The following IGSF22 variants were observed in gnomAD, a reference collection of about 807,000 sequenced individuals.
IGSF22 encodes the protein immunoglobulin superfamily member 22.
Under a neutral mutation model 127.0 loss-of-function variants are expected in IGSF22, and 119 were observed. That is an observed-to-expected ratio of 0.94 (90% CI 0.81 to 1.09). The LOEUF is 1.09. IGSF22 is among the 50% of genes least tolerant of loss of function. The probability of loss-of-function intolerance (pLI) is 0.00; values close to 1 mark genes in which losing one functional copy is unlikely to be tolerated. For synonymous variants in IGSF22, 568 were observed against 664.7 expected, an observed-to-expected ratio of 0.85 and a Z score of 2.24; for missense variants, 1,518 against 1,716.6, an observed-to-expected ratio of 0.88 and a Z score of 2.04.
chr11:18,723,581 C>T (rs1455905013), intron 2 of IGSF22, among the ~76,000 whole-genome samples: 2 of 152,256 alleles, frequency 1.3e-5, no homozygotes, highest in Non-Finnish European at 2.9e-5. Context: ...GACTAAAACA[C>T]TCTGTTCAGC....
chr11:18,710,664 G>T lies in IGSF22; in HGVS notation c.2563C>A (p.Pro855Thr), dbSNP rs79037456. ...SNLWVPVNKD[P>T]IQGTKCTVDG... ...GTTCCAAGGACCTCACCCTGGATGG[G>T]GTCCTTGTTGACTGGCACCCACAGG... The change falls in exon 16 of 23, where the codon CCC becomes ACC. Residue 855 changes from proline (P) to threonine (T), a missense_variant. Physicochemically the swap from Pro to Thr is conservative, Grantham distance 38 (BLOSUM62 -1). Around this residue, in one of 3 missense-constraint regions of IGSF22, gnomAD observed 1,456 missense variants for 1,644.9 expected, o/e 0.89. Coordinates refer to ENST00000513874, the MANE Select transcript of IGSF22 (RefSeq NM_173588.4). 6.7e-5 allele frequency: 108 copies of T among 1,612,578 alleles called. No individual in the cohort carries two copies. The East Asian group carries it at 1.9e-3, about 29-fold the overall frequency.
chr11:18,707,247 G>A, intron 20 of IGSF22, 34 bp from the exon 21 acceptor site: 1 of 1,487,568 alleles, frequency 6.7e-7, no homozygotes, highest in South Asian at 1.4e-5. Context: ...AGCGACCTTG[G>A]GGCACCTGAA....
chr11:18,706,628 G>A (rs1848240229), intron 21 of IGSF22: 1 of 391,196 alleles, frequency 2.6e-6, no homozygotes, highest in Non-Finnish European at 4.6e-6. Flanking sequence ...AGCCCCGTTA[G>A]ACCCTCCCCT....
intron 11 of IGSF22, 27 bp downstream of exon 11, chr11:18,715,405 A>G (rs1848443750): frequency 1.3e-6 from 2 of 1,592,620 alleles, no homozygotes; most frequent in African/African-American, 1.3e-5. Flanking sequence ...GGGATTGGTC[A>G]GTGGGGATTG....
At position 18,712,206 on chromosome 11, in the gene IGSF22, G is replaced by T. The variant is rs1490757821; in HGVS notation, c.2274C>A (p.Val758=). 2.6e-6 allele frequency: 4 copies of T among 1,551,740 alleles called. No individual in the cohort carries two copies. The South Asian group carries it at 4.8e-5, about 18-fold the overall frequency. The change falls in exon 15 of 23, where the codon GTC becomes GTA. Residue 758 remains valine (V), a synonymous_variant. Coordinates refer to ENST00000513874, the MANE Select transcript of IGSF22 (RefSeq NM_173588.4). ...CCACCTTGTTGGTGGAGAAGTTGGT[G>T]ACTTTGCCGTCCACCTCGCCTATCT... ...WIKIGEVDGK[V]TNFSTNKVEE... is the part of the protein sequence containing the mutation.
chr11:18,722,167 G>C, intron 2 of IGSF22, 126 bp from the exon 3 acceptor site: 1 of 1,115,732 alleles, frequency 9.0e-7, no homozygotes, highest in Non-Finnish European at 1.3e-6. Flanking sequence ...AGTGGGAGCA[G>C]GACCAGCTAC....
At chr11:18,706,732 C>T (rs924433904) in intron 21 of IGSF22, 182 bp downstream of exon 21, 6 of 559,946 alleles carry the variant, frequency 1.1e-5, no homozygotes, top group Middle Eastern at 4.7e-4. Context: ...ACTTTAGTCT[C>T]ACCCCTAAGT....
rs868705001 is a variant in IGSF22 at position 18,705,638 on chromosome 11, A to G, written c.3910+179T>C. 6.0e-5 allele frequency: 37 copies of G among 619,314 alleles called. No individual in the cohort carries two copies. In the Middle Eastern group the frequency reaches 2.2e-3, roughly 36 times the overall value. The allele number at this position is 619,314 out of a possible 1,614,324, so 38.4% of individuals were successfully genotyped here. ...CATGTCTGCAGGGGCCAGGCATATA[A>G]CAAATGACATCGAAAGGATGGGAGA... On this transcript the variant is annotated intron_variant, in intron 22 of 22. Coordinates refer to ENST00000513874, the MANE Select transcript of IGSF22 (RefSeq NM_173588.4).
Position 18,706,920 on chromosome 11 carries a change from C to A in IGSF22, c.3574G>T (p.Asp1192Tyr). The A allele has an allele frequency of 1.3e-6, 2 of 1,506,830 alleles. No homozygotes were observed. Among genetic ancestry groups the A allele is most frequent in the South Asian group, 2.7e-5 (2 of 74,742 alleles). The allele number at this position is 1,506,830 out of a possible 1,614,324, so 93.3% of individuals were successfully genotyped here. Residue 1192 changes from aspartate to tyrosine, a missense_variant, in exon 21 of 23, where the codon GAC becomes TAC. By Grantham distance (160) the Asp-to-Tyr change is radical. Coordinates refer to ENST00000513874, the MANE Select transcript of IGSF22 (RefSeq NM_173588.4). Reference sequence around the variant, plus strand: ...CTGCAAGTCCCAGACTCACTCTGGTCCTTATTGATGAGCCAGGTGTCCCTG... The same window carrying A: ...CTGCAAGTCCCAGACTCACTCTGGTACTTATTGATGAGCCAGGTGTCCCTG... ...DSRDTWLINK[D>Y]QIQDLSAKLK...
chr11:18,716,766 G>GC lies in IGSF22; in HGVS notation c.1207dup (p.Ala403GlyfsTer13). ...CTGGGCCTTTTGTACCAGGTTCCCCGCCTCAGCAGAGAACTCGCCGCTGTC... is the reference window on the plus strand; with the variant it reads ...CTGGGCCTTTTGTACCAGGTTCCCCGCCCTCAGCAGAGAACTCGCCGCTGTC... On this transcript the variant is annotated frameshift_variant, in exon 10 of 23. Transcript: ENST00000513874. LOFTEE classifies it high-confidence loss of function. This position sits in a 1 kb window ranked among gnomAD's most constrained non-coding sequence, Gnocchi z 4.5. The GC allele has an allele frequency of 3.7e-6, 6 of 1,614,152 alleles. No individual in the cohort carries two copies. Among genetic ancestry groups the GC allele is most frequent in the Non-Finnish European group, 5.1e-6 (6 of 1,180,032 alleles).
rs201892326 is a variant in IGSF22 at position 18,720,105 on chromosome 11, T to C, written c.479-2A>G. On this transcript the variant is annotated splice_acceptor_variant, in intron 5 of 22. Coordinates refer to ENST00000513874, the MANE Select transcript of IGSF22 (RefSeq NM_173588.4). LOFTEE classifies it high-confidence loss of function. ...TTTTGAAGTCCATTTTCTCTTGACC[T>C]GAGGATAGACAGAGGGACAGGTTCA... 1 of 1,614,028 alleles carries C rather than the reference T, an allele frequency of 6.2e-7. No homozygotes were observed.
At chr11:18,723,573 C>T (rs1399410973) in intron 2 of IGSF22, among the ~76,000 whole-genome samples, 1 of 152,248 alleles carries the variant, frequency 6.6e-6, no homozygotes, top group African/African-American at 2.4e-5. Context: ...AGAGACGTGA[C>T]TAAAACACTC....
intron 2 of IGSF22, among the ~76,000 whole-genome samples, chr11:18,722,355 A>AG (rs1272542863): frequency 6.6e-6 from 1 of 151,098 alleles, no homozygotes; most frequent in Non-Finnish European, 1.5e-5. Context: ...TTGGTCTCTT[A>AG]GGCTTCTCTC....
Position 18,707,973 on chromosome 11 carries a change from G to C in IGSF22, c.3111C>G (p.Ile1037Met), listed in dbSNP as rs774630148. Residue 1037 changes from isoleucine to methionine, a missense_variant, in exon 20 of 23, where the codon ATC (isoleucine) becomes ATG (methionine). Around this residue, in one of 3 missense-constraint regions of IGSF22, gnomAD observed 1,456 missense variants for 1,644.9 expected, o/e 0.89. Coordinates refer to ENST00000513874, the MANE Select transcript of IGSF22 (RefSeq NM_173588.4). ...TGGTGGGAACGCCATCTTTCTGCCA[G>C]ATCACGTCAGGTGGTGGTGAGCCCT... ...AFSGSPPPDVIWQKDGVPTKG... is the reference protein window; with the variant it reads ...AFSGSPPPDVMWQKDGVPTKG... 6.2e-7 allele frequency: 1 copy of C among 1,614,010 alleles called. No homozygotes were observed. Among genetic ancestry groups the C allele is most frequent in the Non-Finnish European group, 8.5e-7 (1 of 1,179,990 alleles).
At chr11:18,721,510 C>A in intron 4 of IGSF22, 25 bp downstream of exon 4, 1 of 1,614,116 alleles carries the variant, frequency 6.2e-7, no homozygotes. Context: ...TTCTCGGTAA[C>A]TGGACTTGGG....
In IGSF22 at chr11:18,710,385, C is replaced by G; in HGVS notation, c.2643G>C (p.Lys881Asn). The change falls in exon 17 of 23, where the codon AAG becomes AAC. Residue 881 changes from lysine (K) to asparagine (N), a missense_variant. Lys to Asn is a moderately conservative substitution (Grantham distance 94). Around this residue, in one of 3 missense-constraint regions of IGSF22, gnomAD observed 1,456 missense variants for 1,644.9 expected, o/e 0.89. Coordinates refer to ENST00000513874, the MANE Select transcript of IGSF22 (RefSeq NM_173588.4). ...EYEFRVIAVN[K>N]AGPGQPSVPS... ...GCACACTGGGCTGTCCAGGGCCTGCCTTATTTACAGCTATAACTCGGAATT... is the reference window on the plus strand; with the variant it reads ...GCACACTGGGCTGTCCAGGGCCTGCGTTATTTACAGCTATAACTCGGAATT... 1 of 1,614,220 alleles carries G rather than the reference C, an allele frequency of 6.2e-7. No individual in the cohort carries two copies. The highest frequency in any genetic ancestry group is 8.5e-7 in the Non-Finnish European group (1 of 1,180,042).
chr11:18,725,137 A>G (rs1480837488), intron 1 of IGSF22, among the ~76,000 whole-genome samples: 1 of 151,680 alleles, frequency 6.6e-6, no homozygotes. Context: ...TCCTGTTCAG[A>G]GCACCATGTT....
At chr11:18,718,947 T>C (rs1365292801) in intron 7 of IGSF22, among the ~76,000 whole-genome samples, 1 of 152,228 alleles carries the variant, frequency 6.6e-6, no homozygotes, top group Non-Finnish European at 1.5e-5. Context: ...ATAGTCACTA[T>C]GTACCTGGGC....
rs1439504687 is a variant in IGSF22, at chr11:18,715,633, A to G, written c.1330T>C (p.Ser444Pro). 2 of 1,613,982 alleles carry G rather than the reference A, an allele frequency of 1.2e-6. No individual in the cohort carries two copies. The highest frequency in any genetic ancestry group is 1.7e-5 in the Admixed American group (1 of 60,008). ...SRACLECELTSKDVTLRWKKD... is the reference protein window; with the variant it reads ...SRACLECELTPKDVTLRWKKD... ...TTCCAGCGCAGTGTCACATCCTTGG[A>G]TGTCAGCTCACACTCCAGGCATGCG... The change falls in exon 11 of 23, where the codon TCC becomes CCC. Residue 444 changes from serine to proline, a missense_variant. Transcript: ENST00000513874.
Sources: gnomAD v4.1 joint callset for allele counts (sites outside exome capture counted in the v4.1 genomes callset) on GRCh38, gnomAD v4.1.1 for gene constraint, gnomAD v4.1.1 regional missense constraint, Gnocchi (gnomAD v3.1) non-coding constraint, MANE v1.5 for transcripts, NCBI Gene and HGNC (gene_info 2026-07-23, HGNC 2026-07-21) for gene names.